The following LYN variants were observed in gnomAD, a reference collection of about 807,000 sequenced individuals.
LYN encodes the protein tyrosine-protein kinase Lyn.
A neutral mutation model predicts 65.0 loss-of-function variants in LYN; 12 were observed. The observed-to-expected ratio is 0.18, with a 90% CI of 0.12 to 0.30. The LOEUF is 0.30. LYN is among the 10% of genes least tolerant of loss of function. LYN has a pLI of 1.00. For synonymous variants in LYN, 222 were observed against 221.2 expected (o/e 1.00, Z -0.03); for missense variants, 380 against 623.2 (o/e 0.61, Z 4.16).
chr8:55,924,904 C>T (rs1248222940), intron 1 of LYN, among the ~76,000 whole-genome samples: 1 of 151,296 alleles, frequency 6.6e-6, no homozygotes, highest in East Asian at 2.0e-4. Flanking sequence ...TGCGGTGGTG[C>T]GATCGTGGCT....
At chr8:55,897,322 CT>C (rs1307162147) in intron 1 of LYN, among the ~76,000 whole-genome samples, 6 of 152,154 alleles carry the variant, frequency 3.9e-5, no homozygotes, top group Non-Finnish European at 1.5e-5. Flanking sequence ...TTAAAAGGTA[CT>C]TCCCTCCTCC....
chr8:55,890,499 C>T (rs1804927000), intron 1 of LYN, among the ~76,000 whole-genome samples: 1 of 152,098 alleles, frequency 6.6e-6, no homozygotes, highest in African/African-American at 2.4e-5. Context: ...TAAAATGCTA[C>T]AGCTATGATG....
intron 1 of LYN, among the ~76,000 whole-genome samples, chr8:55,931,074 CGT>C (rs1364877571): frequency 6.8e-6 from 1 of 147,496 alleles, no homozygotes; most frequent in Non-Finnish European, 1.5e-5. Context: ...TATACATATA[CGT>C]GTGTGTATAT....
intron 10 of LYN, 29 bp downstream of exon 10, chr8:55,969,822 C>T (rs772667115): frequency 8.2e-6 from 13 of 1,589,640 alleles, no homozygotes; most frequent in Admixed American, 6.7e-5. Context: ...CCCGTGTGCA[C>T]GTGCATTTGC....
In LYN at chr8:56,011,718, C is replaced by A. The variant is rs1311948649; in HGVS notation, c.*1608C>A. The A allele has an allele frequency of 1.0e-5, 2 of 190,888 alleles. No individual in the cohort carries two copies. The highest frequency in any genetic ancestry group is 4.7e-5 in the African/African-American group (2 of 42,962). 11.8% of individuals were successfully genotyped at this position (190,888 alleles called of 1,614,324 possible). ...TTTTTCTAAATTTTAACTTTGTTTC[C>A]TATGTGATTTTTTTAAATGTCCTTT... On this transcript the variant is annotated 3_prime_UTR_variant, in exon 13 of 13. Coordinates refer to ENST00000519728, the MANE Select transcript of LYN (RefSeq NM_002350.4).
At chr8:55,969,959 T>C (rs1790223331) in intron 10 of LYN, among the ~76,000 whole-genome samples, 166 bp downstream of exon 10, 1 of 152,230 alleles carries the variant, frequency 6.6e-6, no homozygotes, top group Admixed American at 6.5e-5. Context: ...GAGATAGTAA[T>C]AGGACATTCA....
chr8:56,008,391 G>A (rs762632659), intron 12 of LYN, among the ~76,000 whole-genome samples: 11 of 152,088 alleles, frequency 7.2e-5, no homozygotes, highest in Admixed American at 5.9e-4. Flanking sequence ...AAGGAAATTC[G>A]TTGTGAGGAA....
intron 1 of LYN, among the ~76,000 whole-genome samples, chr8:55,925,957 A>G (rs1210492428): frequency 1.3e-5 from 2 of 152,232 alleles, no homozygotes; most frequent in African/African-American, 2.4e-5. Flanking sequence ...TTGCTTCCAA[A>G]CATTTTTATT....
chr8:55,980,023 T>C (rs1807875047), intron 10 of LYN, among the ~76,000 whole-genome samples: 1 of 152,220 alleles, frequency 6.6e-6, no homozygotes. Flanking sequence ...AGAGCCCATG[T>C]GCACAGGCAG....
chr8:55,948,744 A>G (rs1023680044), intron 4 of LYN, among the ~76,000 whole-genome samples: 1 of 152,188 alleles, frequency 6.6e-6, no homozygotes, highest in African/African-American at 2.4e-5. Flanking sequence ...CTTAAGCCTG[A>G]TCCTGGCCCT....
chr8:55,922,431 A>G (rs1805971666), intron 1 of LYN, among the ~76,000 whole-genome samples: 1 of 151,678 alleles, frequency 6.6e-6, no homozygotes, highest in South Asian at 2.1e-4. Context: ...GTGCCAGTGT[A>G]TTAATTTATC....
chr8:55,911,503 C>T (rs142425171), intron 1 of LYN, among the ~76,000 whole-genome samples: 1 of 151,734 alleles, frequency 6.6e-6, no homozygotes, highest in Non-Finnish European at 1.5e-5. Flanking sequence ...CTCTTTTGTA[C>T]AGACTGAGAT....
At chr8:55,986,578 G>A (rs1009426498) in intron 10 of LYN, among the ~76,000 whole-genome samples, 13 of 152,140 alleles carry the variant, frequency 8.5e-5, no homozygotes, top group African/African-American at 3.1e-4. Context: ...AAGGCATTGT[G>A]GGTCCTTGCA....
chr8:55,967,799 C>G (rs2667985), intron 9 of LYN, among the ~76,000 whole-genome samples: 136,641 of 152,250 alleles, frequency 0.9, 61,639 homozygotes, highest in African/African-American at 0.97. Context: ...CCTTCATATA[C>G]AAGACTTTGA....
intron 10 of LYN, among the ~76,000 whole-genome samples, chr8:55,982,248 C>A (rs1807947588): frequency 6.6e-6 from 1 of 152,082 alleles, no homozygotes; most frequent in Admixed American, 6.5e-5. Flanking sequence ...ATTTATACTT[C>A]AGGTTGAGTA....
rs1165957858 is a variant in LYN, at chr8:55,966,973, A to G, written c.973+76A>G. On this transcript the variant is annotated intron_variant, in intron 9 of 12. Transcript: ENST00000519728. The stretch of plus-strand genomic sequence containing the variant: ...TAAAATGTGTAAGTGTTCAGAGGTC[A>G]CTCAACTAGTTTAATTATCAAACAG... 4 of 1,355,736 alleles carry G rather than the reference A, an allele frequency of 3.0e-6. No individual in the cohort carries two copies. The Admixed American group carries it at 6.9e-5, about 23-fold the overall frequency. The allele number at this position is 1,355,736 out of a possible 1,614,324, so 84.0% of individuals were successfully genotyped here.
intron 1 of LYN, among the ~76,000 whole-genome samples, chr8:55,880,860 T>C (rs1451045869): frequency 6.6e-6 from 1 of 152,148 alleles, no homozygotes; most frequent in Non-Finnish European, 1.5e-5. Context: ...TCTGGGCCCA[T>C]GGTGGCATCT....
chr8:55,941,795 T>G (rs1213434623), intron 1 of LYN, 60 bp from the exon 2 acceptor site: 12 of 1,299,262 alleles, frequency 9.2e-6, no homozygotes, highest in Non-Finnish European at 1.3e-5. Flanking sequence ...GGAGACATTT[T>G]GATGGCTTGA....
intron 1 of LYN, among the ~76,000 whole-genome samples, chr8:55,926,014 T>A (rs575511044): frequency 3.8e-4 from 58 of 152,342 alleles, no homozygotes; most frequent in Non-Finnish European, 7.6e-4. Context: ...TTTATAAAAA[T>A]TAAATTATAA....
Sources: gnomAD v4.1 joint callset for allele counts (sites outside exome capture counted in the v4.1 genomes callset) on GRCh38, gnomAD v4.1.1 for gene constraint, MANE v1.5 for transcripts, NCBI Gene and HGNC (gene_info 2026-07-23, HGNC 2026-07-21) for gene names.